Variants in ADNP observed in about 807,000 individuals in gnomAD.
ADNP encodes the protein activity dependent neuroprotector homeobox.
Under a neutral mutation model 84.9 loss-of-function variants are expected in ADNP, and 4 were observed. The ratio of observed to expected loss-of-function variants is 0.05; its 90% confidence interval spans 0.02 to 0.11. ADNP has a LOEUF of 0.11. Among genes scored for constraint, ADNP ranks in the 10% least tolerant of loss-of-function variants. The pLI is 1.00. For synonymous variants in ADNP, 554 were observed against 468.1 expected, an observed-to-expected ratio of 1.18 and a Z score of -2.37; for missense variants, 1,132 against 1,326.0, an observed-to-expected ratio of 0.85 and a Z score of 2.27.
intron 2 of ADNP, among the ~76,000 whole-genome samples, chr20:50,927,585 A>ATTT (rs1984377046): frequency 6.7e-6 from 1 of 150,126 alleles, no homozygotes; most frequent in Non-Finnish European, 1.5e-5. Context: ...TGGTAGAGAC[A>ATTT]GGGTCTCATT....
At chr20:50,910,126 A>T (rs1982894594) in intron 2 of ADNP, among the ~76,000 whole-genome samples, 1 of 152,218 alleles carries the variant, frequency 6.6e-6, no homozygotes, top group South Asian at 2.1e-4. Flanking sequence ...TATGCAAAAT[A>T]ATTACACTTG....
rs142571382 is a variant in ADNP at position 50,919,844 on chromosome 20, G to A, written c.-90+8807C>T. On this transcript the variant is annotated intron_variant, in intron 2 of 5. Transcript: ENST00000621696. The stretch of plus-strand genomic sequence containing the variant: ...GTCAAGCTTCTGAGTAACAAGGAAC[G>A]ACATGATTGGAAAGGCAGGGTGAGG... Among the ~76,000 whole-genome samples the A allele has an allele frequency of 2.6e-4, 40 of 152,312 alleles. No homozygotes were observed. In the East Asian group the frequency reaches 6.4e-3, roughly 24 times the overall value.
chr20:50,893,236 T>C lies in ADNP; in HGVS notation c.1478A>G (p.Tyr493Cys), dbSNP rs1407198440. ...ATCTGTGGGTAAATAGCGATTACAG[T>C]AGAGGCATTTGCTAGTAAAATTGTG... ...KIHNFTSKCL[Y>C]CNRYLPTDTL... The change falls in exon 6 of 6, where the codon TAC becomes TGC. Residue 493 changes from tyrosine (Y) to cysteine (C), a missense_variant. Coordinates refer to ENST00000621696, the MANE Select transcript of ADNP (RefSeq NM_001282531.3). The surrounding 1 kb of genome is among the most constrained non-coding windows in gnomAD (Gnocchi z 4.4). 1 of 1,614,254 alleles carries C rather than the reference T, an allele frequency of 6.2e-7. No homozygotes were observed.
chr20:50,929,352 G>A (rs1010794094), intron 1 of ADNP, among the ~76,000 whole-genome samples: 1 of 152,220 alleles, frequency 6.6e-6, no homozygotes, highest in Non-Finnish European at 1.5e-5. Context: ...AGTAAAAGGA[G>A]AAAACTTCTA....
intron 2 of ADNP, among the ~76,000 whole-genome samples, chr20:50,920,158 T>C (rs994113973): frequency 1.4e-5 from 2 of 145,426 alleles, no homozygotes; most frequent in African/African-American, 5.2e-5. Flanking sequence ...GCGCCTGTAA[T>C]CCCAGCTACT....
At chr20:50,895,397 A>G (rs1981273914) in intron 5 of ADNP, among the ~76,000 whole-genome samples, 1 of 152,240 alleles carries the variant, frequency 6.6e-6, no homozygotes, top group African/African-American at 2.4e-5. Flanking sequence ...TGAGCACAGA[A>G]AAGGTACAGT....
intron 5 of ADNP, among the ~76,000 whole-genome samples, chr20:50,899,810 A>T (rs1981781711): frequency 6.6e-6 from 1 of 151,424 alleles, no homozygotes. Context: ...AAAAAGTTTA[A>T]GACTAGGAAA....
intron 2 of ADNP, among the ~76,000 whole-genome samples, chr20:50,923,888 C>T (rs888963452): frequency 5.3e-5 from 8 of 152,166 alleles, no homozygotes; most frequent in Non-Finnish European, 1.2e-4. Flanking sequence ...TTGGATACTC[C>T]CAGTCTCAGC....
intron 2 of ADNP, among the ~76,000 whole-genome samples, chr20:50,927,676 G>GT (rs551980377): frequency 5.1e-4 from 77 of 152,026 alleles, no homozygotes; most frequent in South Asian, 1.0e-3. Context: ...GATTACAGGC[G>GT]TAAGCCACCT....
At chr20:50,897,782 C>G (rs1981564302) in intron 5 of ADNP, among the ~76,000 whole-genome samples, 1 of 152,186 alleles carries the variant, frequency 6.6e-6, no homozygotes, top group Non-Finnish European at 1.5e-5. Flanking sequence ...TTAAAGGAGG[C>G]ATTTGCTTAT....
At chr20:50,925,060 A>G (rs1360514981) in intron 2 of ADNP, among the ~76,000 whole-genome samples, 1 of 152,180 alleles carries the variant, frequency 6.6e-6, no homozygotes, top group Middle Eastern at 3.2e-3. Flanking sequence ...GGTAGGGATC[A>G]ATAATACCAA....
chr20:50,897,264 T>C (rs532207857), intron 5 of ADNP, among the ~76,000 whole-genome samples: 34 of 152,334 alleles, frequency 2.2e-4, no homozygotes, highest in South Asian at 1.2e-3. Flanking sequence ...CTTAAGGAGC[T>C]TGCTGAGGTC....
At chr20:50,920,506 G>A (rs1215698334) in intron 2 of ADNP, among the ~76,000 whole-genome samples, 1 of 149,544 alleles carries the variant, frequency 6.7e-6, no homozygotes, top group African/African-American at 2.5e-5. Context: ...CTTGCGCCCA[G>A]GAGGCAGAGG....
intron 2 of ADNP, among the ~76,000 whole-genome samples, chr20:50,912,905 G>A (rs940984430): frequency 2.0e-5 from 3 of 152,072 alleles, no homozygotes; most frequent in Admixed American, 6.6e-5. Flanking sequence ...GTTGGGAGAA[G>A]AGAAGAGTGT....
Position 50,891,927 on chromosome 20 carries a change from T to C in ADNP, c.2787A>G (p.Gln929=). Residue 929 remains glutamine (Q), a synonymous_variant, in exon 6 of 6, where the codon CAA becomes CAG. Coordinates refer to ENST00000621696, the MANE Select transcript of ADNP (RefSeq NM_001282531.3). The stretch of plus-strand genomic sequence containing the variant: ...TTTCGTATTTTGAACCATCCTCTTT[T>C]TGGTCTAGCTTCTCCTCAGATTCTG... The part of the protein sequence containing the change: ...DASESEEKLD[Q]KEDGSKYETI... 1 of 1,614,230 alleles carries C rather than the reference T, an allele frequency of 6.2e-7. No individual in the cohort carries two copies. The highest frequency in any genetic ancestry group is 8.5e-7 in the Non-Finnish European group (1 of 1,180,050).
At position 50,890,071 on chromosome 20, in the gene ADNP, G is replaced by A. The variant is rs1480224512; in HGVS notation, c.*1334C>T. ...ATCATTGAGACATTTACATATATAT[G>A]CAGGCTCTGCTCCTTAACAAAAGGT... On this transcript the variant is annotated 3_prime_UTR_variant, in exon 6 of 6. Coordinates refer to ENST00000621696, the MANE Select transcript of ADNP (RefSeq NM_001282531.3). 2 of 259,560 alleles carry A rather than the reference G, an allele frequency of 7.7e-6. No individual in the cohort carries two copies. The highest frequency in any genetic ancestry group is 1.4e-5 in the Non-Finnish European group (2 of 142,736). 16.1% of individuals were successfully genotyped at this position (259,560 alleles called of 1,614,324 possible).
intron 2 of ADNP, among the ~76,000 whole-genome samples, chr20:50,922,041 A>G (rs1004378096): frequency 6.6e-6 from 1 of 152,200 alleles, no homozygotes; most frequent in Admixed American, 6.5e-5. Context: ...CTGTAAGTGG[A>G]CAATCTGGCT....
At chr20:50,917,963 A>G (rs905922414) in intron 2 of ADNP, among the ~76,000 whole-genome samples, 1 of 152,172 alleles carries the variant, frequency 6.6e-6, no homozygotes, top group Non-Finnish European at 1.5e-5. Context: ...AAGGCCAAAT[A>G]TTGTATGATT....
At chr20:50,927,495 C>G (rs1368211012) in intron 2 of ADNP, among the ~76,000 whole-genome samples, 1 of 152,014 alleles carries the variant, frequency 6.6e-6, no homozygotes, top group African/African-American at 2.4e-5. Flanking sequence ...GAACCTTTTA[C>G]TATACTTTAA....
Sources: gnomAD v4.1 joint callset for allele counts (sites outside exome capture counted in the v4.1 genomes callset) on GRCh38, gnomAD v4.1.1 for gene constraint, Gnocchi (gnomAD v3.1) non-coding constraint, MANE v1.5 for transcripts, NCBI Gene and HGNC (gene_info 2026-07-23, HGNC 2026-07-21) for gene names.